The following SYT10 variants were observed in gnomAD, a reference collection of about 807,000 sequenced individuals.
SYT10 encodes synaptotagmin-10.
A neutral mutation model predicts 51.1 loss-of-function variants in SYT10; 31 were observed. The ratio of observed to expected loss-of-function variants is 0.61; its 90% CI spans 0.46 to 0.82. The LOEUF (loss-of-function observed/expected upper bound fraction) is 0.82, where lower values mean the gene tolerates loss of function less well. SYT10 is among the 40% of genes least tolerant of loss of function. SYT10 has a pLI of 0.00. For synonymous variants in SYT10, 233 were observed against 225.9 expected, an observed-to-expected ratio of 1.03 and a Z score of -0.28; for missense variants, 603 against 634.0, an observed-to-expected ratio of 0.95 and a Z score of 0.53.
intron 1 of SYT10, among the ~76,000 whole-genome samples, chr12:33,438,452 G>T (rs1285910191): frequency 6.6e-6 from 1 of 152,196 alleles, no homozygotes; most frequent in Non-Finnish European, 1.5e-5. Flanking sequence ...GAGCACAGCA[G>T]GCTGGACACA....
chr12:33,439,340 C>T (rs374367752), intron 1 of SYT10, 32 bp downstream of exon 1: 13 of 1,595,080 alleles, frequency 8.2e-6, no homozygotes, highest in Non-Finnish European at 9.4e-6. Flanking sequence ...CCCAGCGGAG[C>T]GCGAGGACGC....
intron 3 of SYT10, among the ~76,000 whole-genome samples, chr12:33,402,793 T>C (rs1261120528): frequency 6.6e-6 from 1 of 152,062 alleles, no homozygotes; most frequent in Non-Finnish European, 1.5e-5. Context: ...GACCCTGTAA[T>C]GAAAATTTGT....
At chr12:33,377,638 T>G (rs1316310413) in intron 6 of SYT10, among the ~76,000 whole-genome samples, 2 of 147,960 alleles carry the variant, frequency 1.4e-5, no homozygotes, top group Non-Finnish European at 3.0e-5. Flanking sequence ...TCTTTTTTTT[T>G]TTTTTTGAGA....
intron 3 of SYT10, among the ~76,000 whole-genome samples, chr12:33,387,774 G>T (rs1019339529): frequency 7.5e-6 from 1 of 134,214 alleles, no homozygotes; most frequent in Non-Finnish European, 1.5e-5. Flanking sequence ...TTGAGACAGG[G>T]ACTCTCACTC....
intron 3 of SYT10, among the ~76,000 whole-genome samples, chr12:33,397,715 A>G (rs1281808574): frequency 6.6e-6 from 1 of 151,998 alleles, no homozygotes; most frequent in East Asian, 1.9e-4. Flanking sequence ...ATGGAAAGGG[A>G]AGAGAGCCCT....
At chr12:33,400,050 A>G (rs1312180758) in intron 3 of SYT10, among the ~76,000 whole-genome samples, 1 of 152,212 alleles carries the variant, frequency 6.6e-6, no homozygotes, top group East Asian at 1.9e-4. Flanking sequence ...ACCTGGTAAG[A>G]CAGACAGCCC....
At chr12:33,392,271 C>T (rs993580773) in intron 3 of SYT10, among the ~76,000 whole-genome samples, 2 of 152,110 alleles carry the variant, frequency 1.3e-5, no homozygotes, top group African/African-American at 4.8e-5. Context: ...GGTAATTTCC[C>T]CCAGCCAGAC....
intron 2 of SYT10, among the ~76,000 whole-genome samples, chr12:33,421,001 A>G (rs61041826): frequency 0.13 from 20,235 of 151,700 alleles, 1,549 homozygotes; most frequent in African/African-American, 0.19. Flanking sequence ...ATAATATCCC[A>G]TTTTTCATTT....
At chr12:33,392,083 T>G (rs1484402047) in intron 3 of SYT10, among the ~76,000 whole-genome samples, 1 of 152,242 alleles carries the variant, frequency 6.6e-6, no homozygotes, top group African/African-American at 2.4e-5. Flanking sequence ...ATGCAAGGTT[T>G]GGAGAGCTAC....
At chr12:33,436,353 GAA>G (rs1234423442) in intron 1 of SYT10, among the ~76,000 whole-genome samples, 1 of 152,098 alleles carries the variant, frequency 6.6e-6, no homozygotes, top group Non-Finnish European at 1.5e-5. Context: ...GAGAAAGAGA[GAA>G]TCCATGGTAA....
At chr12:33,398,740 A>G (rs1866278609) in intron 3 of SYT10, among the ~76,000 whole-genome samples, 1 of 152,186 alleles carries the variant, frequency 6.6e-6, no homozygotes, top group African/African-American at 2.4e-5. Context: ...CCTACCATAA[A>G]ATATATCCTA....
At position 33,439,387 on chromosome 12, in the gene SYT10, C is replaced by T. The variant is rs1866665399; in HGVS notation, c.136G>A (p.Gly46Ser). 2 of 1,613,718 alleles carry T rather than the reference C, an allele frequency of 1.2e-6. No individual in the cohort carries two copies. Among genetic ancestry groups the T allele is most frequent in the Non-Finnish European group, 1.7e-6 (2 of 1,179,898 alleles). The change falls in exon 1 of 7, where the codon GGC (glycine) becomes AGC (serine). Residue 46 changes from glycine (G) to serine (S), a missense_variant. Physicochemically the swap from Gly to Ser is moderately conservative, Grantham distance 56. Transcript: ENST00000228567. ...GIFPRDRGSQ[G>S]GSSTDISVSL... ...TCCCGGTTACCTGTGCTGCTTCCGC[C>T]CTGGCTGCCCCTGTCCCGAGGGAAG...
At chr12:33,383,381 A>C (rs1228894603) in intron 4 of SYT10, among the ~76,000 whole-genome samples, 2 of 152,114 alleles carry the variant, frequency 1.3e-5, no homozygotes, top group African/African-American at 2.4e-5. Flanking sequence ...TTTCCATAGA[A>C]TAAACCAAAA....
chr12:33,432,218 A>G (rs1260271772), intron 1 of SYT10: 1 of 152,126 alleles, frequency 6.6e-6, no homozygotes, highest in African/African-American at 2.4e-5. Flanking sequence ...TTTATTTGGC[A>G]ACATTCTCTT....
At chr12:33,439,210 GA>G (rs1292276359) in intron 1 of SYT10, among the ~76,000 whole-genome samples, 161 bp downstream of exon 1, 1 of 152,244 alleles carries the variant, frequency 6.6e-6, no homozygotes, top group Non-Finnish European at 1.5e-5. Context: ...CCCCACCCTC[GA>G]AGTCGTCAGG....
At chr12:33,388,432 A>C (rs1248016936) in intron 3 of SYT10, among the ~76,000 whole-genome samples, 2 of 152,188 alleles carry the variant, frequency 1.3e-5, no homozygotes, top group Admixed American at 1.3e-4. Flanking sequence ...TGAAAATTGC[A>C]TGTAGTCTCA....
intron 3 of SYT10, among the ~76,000 whole-genome samples, chr12:33,402,558 G>A (rs1385434727): frequency 6.6e-6 from 1 of 152,094 alleles, no homozygotes; most frequent in Non-Finnish European, 1.5e-5. Flanking sequence ...TGTCTCCTTT[G>A]TTAAAGTCCT....
At chr12:33,394,438 T>C (rs1866236665) in intron 3 of SYT10, among the ~76,000 whole-genome samples, 1 of 152,188 alleles carries the variant, frequency 6.6e-6, no homozygotes, top group South Asian at 2.1e-4. Flanking sequence ...AATCTAAATA[T>C]TAGGGCAAGA....
chr12:33,437,903 G>A (rs938872794), intron 1 of SYT10, among the ~76,000 whole-genome samples: 2 of 151,982 alleles, frequency 1.3e-5, no homozygotes, highest in Non-Finnish European at 1.5e-5. Context: ...CCTACTGAAC[G>A]AATGGAAATG....
Sources: gnomAD v4.1 joint callset for allele counts (sites outside exome capture counted in the v4.1 genomes callset) on GRCh38, gnomAD v4.1.1 for gene constraint, MANE v1.5 for transcripts, NCBI Gene and HGNC (gene_info 2026-07-23, HGNC 2026-07-21) for gene names.